Variants in GAK observed in about 807,000 individuals in gnomAD.
GAK encodes cyclin-G-associated kinase.
In GAK, 79 loss-of-function variants were observed where a neutral mutation model predicts 143.9. The ratio of observed to expected loss-of-function variants is 0.55; its 90% confidence interval spans 0.46 to 0.66. GAK has a LOEUF of 0.66. GAK is among the 30% of genes least tolerant of loss of function. The pLI is 0.00. For synonymous variants in GAK, 881 were observed against 765.5 expected, an observed-to-expected ratio of 1.15 and a Z score of -2.49; for missense variants, 1,693 against 1,779.7, an observed-to-expected ratio of 0.95 and a Z score of 0.88.
At chr4:893,798 G>A (rs1718165890) in intron 8 of GAK, 76 bp downstream of exon 8, 4 of 1,474,378 alleles carry the variant, frequency 2.7e-6, no homozygotes, top group Middle Eastern at 3.6e-4. Flanking sequence ...TGCCCCAAGG[G>A]GAGCGGGGTC....
At chr4:931,357 A>T (rs1254250683) in intron 1 of GAK, among the ~76,000 whole-genome samples, 3 of 152,138 alleles carry the variant, frequency 2.0e-5, no homozygotes, top group Non-Finnish European at 4.4e-5. Flanking sequence ...GGGAAGAGAA[A>T]CACTGAGGTG....
chr4:870,340 G>A (rs931183901), intron 19 of GAK, among the ~76,000 whole-genome samples: 1 of 152,166 alleles, frequency 6.6e-6, no homozygotes, highest in African/African-American at 2.4e-5. Flanking sequence ...TGTTCCACAT[G>A]CTGCCAGCAG....
rs549021707 is a variant in GAK, at chr4:850,823, CA to C, written c.3657+112del. ...GCTCCATGTGGTACAGCAGATGCTC[CA>C]GGGGTGAAAGGTTGCTGTCTGGAGA... On this transcript the variant is annotated intron_variant, in intron 26 of 27. Transcript: ENST00000314167. The C allele has an allele frequency of 3.1e-4, 369 of 1,201,286 alleles. No homozygotes were observed. The African/African-American group carries it at 5.2e-3, about 17-fold the overall frequency. 74.4% of individuals were successfully genotyped at this position (1,201,286 alleles called of 1,614,324 possible). A position where few individuals can be genotyped will look rare whatever the true frequency, so the allele number is the denominator to read the frequency against.
intron 1 of GAK, among the ~76,000 whole-genome samples, chr4:924,354 T>A (rs1023460214): frequency 6.6e-6 from 1 of 152,038 alleles, no homozygotes; most frequent in Non-Finnish European, 1.5e-5. Flanking sequence ...CTGGTGGAAA[T>A]GTAAAATGGT....
intron 15 of GAK, among the ~76,000 whole-genome samples, chr4:879,553 T>C (rs1378322653): frequency 6.6e-6 from 1 of 152,234 alleles, no homozygotes; most frequent in East Asian, 1.9e-4. Context: ...CATCTTTCTT[T>C]TTGTACCTGA....
intron 1 of GAK, among the ~76,000 whole-genome samples, chr4:924,831 C>CT (rs1453063586): frequency 7.1e-6 from 1 of 140,234 alleles, no homozygotes; most frequent in Non-Finnish European, 1.6e-5. Context: ...GGTGGAGTTC[C>CT]CCCGGGGGGC....
intron 15 of GAK, among the ~76,000 whole-genome samples, chr4:880,385 C>T (rs1476712836): frequency 2.0e-5 from 3 of 152,250 alleles, no homozygotes; most frequent in Non-Finnish European, 2.9e-5. Flanking sequence ...CTTCAGTTTC[C>T]CCCAGAGTCA....
intron 1 of GAK, among the ~76,000 whole-genome samples, chr4:928,340 G>A (rs919343757): frequency 3.3e-5 from 5 of 152,210 alleles, no homozygotes; most frequent in African/African-American, 1.2e-4. Context: ...TTACAGGCGT[G>A]AGCCGTCGTG....
chr4:912,786 T>C lies in GAK; in HGVS notation c.216A>G (p.Leu72=), dbSNP rs1051393003. The change falls in exon 3 of 28, where the codon TTA becomes TTG. Residue 72 remains leucine (L), a synonymous_variant. Coordinates refer to ENST00000314167, the MANE Select transcript of GAK (RefSeq NM_005255.4). ...SGREYALKRL[L]SNEEEKNRAI... is the part of the protein sequence containing the mutation. ...CTCTGTTCTTTTCCTCTTCATTGGA[T>C]AATAGCCTCTGTATCAGGAAACAGC... The C allele has an allele frequency of 6.2e-7, 1 of 1,613,400 alleles. No individual in the cohort carries two copies. The highest frequency in any genetic ancestry group is 1.1e-5 in the South Asian group (1 of 90,988).
At chr4:930,164 C>A (rs772831968) in intron 1 of GAK, among the ~76,000 whole-genome samples, 1 of 152,140 alleles carries the variant, frequency 6.6e-6, no homozygotes, top group Admixed American at 6.5e-5. Flanking sequence ...GCTGTTCAGA[C>A]AAAACTTAAT....
chr4:896,364 G>C (rs1266469633), intron 7 of GAK, 96 bp downstream of exon 7: 1 of 899,084 alleles, frequency 1.1e-6, no homozygotes, highest in South Asian at 1.3e-5. Context: ...GGAGGAGGCA[G>C]GCCAGTTCCG....
intron 23 of GAK, among the ~76,000 whole-genome samples, chr4:863,249 A>G (rs1750607419): frequency 6.6e-6 from 1 of 152,264 alleles, no homozygotes; most frequent in Non-Finnish European, 1.5e-5. Context: ...TGGAGCCTGC[A>G]GATGGGACCG....
At chr4:873,617 G>A (rs1713177651) in intron 18 of GAK, among the ~76,000 whole-genome samples, 1 of 152,104 alleles carries the variant, frequency 6.6e-6, no homozygotes, top group Non-Finnish European at 1.5e-5. Context: ...TGCCTGTACT[G>A]AAGCCATGTC....
chr4:866,250 CCA>C (rs1290212867), intron 22 of GAK, 112 bp downstream of exon 22: 1 of 1,102,792 alleles, frequency 9.1e-7, no homozygotes, highest in African/African-American at 1.6e-5. Context: ...CACCCGGAGG[CCA>C]CACAGTCCAG....
At chr4:929,752 G>A (rs1317009890) in intron 1 of GAK, among the ~76,000 whole-genome samples, 2 of 151,202 alleles carry the variant, frequency 1.3e-5, no homozygotes, top group South Asian at 2.1e-4. Context: ...TGGTTCCACA[G>A]TTCTACCTAA....
chr4:894,955 A>T (rs1249619882), intron 7 of GAK: 1 of 151,934 alleles, frequency 6.6e-6, no homozygotes, highest in Non-Finnish European at 1.5e-5. Flanking sequence ...CCTCCAGCCT[A>T]GCAACAAAGC....
At chr4:917,205 G>A (rs905003871) in intron 1 of GAK, among the ~76,000 whole-genome samples, 3 of 150,922 alleles carry the variant, frequency 2.0e-5, no homozygotes, top group Non-Finnish European at 4.4e-5. Context: ...AACGCAAATG[G>A]ATCTATGGTA....
intron 1 of GAK, among the ~76,000 whole-genome samples, chr4:921,617 T>G (rs1723939399): frequency 6.6e-6 from 1 of 151,386 alleles, no homozygotes; most frequent in South Asian, 2.1e-4. Flanking sequence ...AAGGCGTGAT[T>G]CGTAAAAGGA....
intron 1 of GAK, among the ~76,000 whole-genome samples, chr4:918,131 C>T (rs1170359246): frequency 6.6e-6 from 1 of 152,158 alleles, no homozygotes. Context: ...AATAAGGATA[C>T]TACATCATGA....
Sources: allele counts gnomAD v4.1 joint callset (sites outside exome capture counted in the v4.1 genomes callset), GRCh38; gene constraint gnomAD v4.1.1; transcripts MANE v1.5; gene names NCBI Gene and HGNC (gene_info 2026-07-23, HGNC 2026-07-21).